Variants in CNBD2 observed in about 807,000 individuals in gnomAD.
CNBD2 encodes cyclic nucleotide-binding domain-containing protein 2.
A neutral mutation model predicts 63.7 loss-of-function variants in CNBD2; 64 were observed. The observed-to-expected ratio is 1.00, with a 90% confidence interval of 0.82 to 1.24. The LOEUF is 1.24. Ranked by LOEUF, CNBD2 falls within the 50% of genes most tolerant of loss-of-function variation. CNBD2 has a pLI of 0.00. For synonymous variants in CNBD2, 229 were observed against 255.4 expected, an observed-to-expected ratio of 0.90 and a Z score of 0.99; for missense variants, 691 against 713.5, an observed-to-expected ratio of 0.97 and a Z score of 0.36.
chr20:35,975,535 C>T (rs984870002), intron 2 of CNBD2, among the ~76,000 whole-genome samples: 3 of 150,730 alleles, frequency 2.0e-5, no homozygotes, highest in South Asian at 2.1e-4. Flanking sequence ...CTCCTGACCT[C>T]GTGATCCGCC....
Position 36,023,681 on chromosome 20 carries a change from T to A in CNBD2, c.1349T>A (p.Ile450Lys), listed in dbSNP as rs1568931644. 6.2e-7 allele frequency: 1 copy of A among 1,613,878 alleles called. No homozygotes were observed. Among genetic ancestry groups the A allele is most frequent in the East Asian group, 2.2e-5 (1 of 44,854 alleles). The change falls in exon 11 of 12, where the codon ATA (isoleucine) becomes AAA (lysine). Residue 450 changes from isoleucine (I) to lysine (K), a missense_variant. Coordinates refer to ENST00000373973, the MANE Select transcript of CNBD2 (RefSeq NM_001365709.1). ...CTGATGAGCCTGGGAAATGAGTTGA[T>A]ACGGATAAGGAAGGAAATATTTTAT... Reference protein sequence around the residue: ...LILMSLGNELIRIRKEIFYEL... With the variant: ...LILMSLGNELKRIRKEIFYEL...
chr20:36,011,110 G>A (rs893145679), intron 9 of CNBD2, 27 bp from the exon 10 acceptor site: 2 of 1,495,184 alleles, frequency 1.3e-6, no homozygotes, highest in Non-Finnish European at 9.0e-7. Flanking sequence ...TTACAGATGA[G>A]CTCTCTAACA....
upstream of CNBD2, chr20:35,968,554 T>C (rs554393451): frequency 1.7e-4 from 84 of 483,698 alleles, 3 homozygotes; most frequent in South Asian, 9.2e-4. Flanking sequence ...GAATCTTTCA[T>C]TGTGACCTTA....
Position 35,972,757 on chromosome 20 carries a change from C to T in CNBD2, c.180C>T (p.Ser60=), listed in dbSNP as rs940663666. Residue 60 remains serine (S), a synonymous_variant, in exon 2 of 12, where the codon TCC becomes TCT. Coordinates refer to ENST00000373973, the MANE Select transcript of CNBD2 (RefSeq NM_001365709.1). ...ETAHWKHPIF[S]FWDKKMQSRV... is the part of the protein sequence containing the mutation. ...CTCACTGGAAGCACCCTATCTTCTC[C>T]TTCTGGGATGTAAGCAGTTGGGCTC... The T allele has an allele frequency of 6.2e-7, 1 of 1,614,168 alleles. No homozygotes were observed. The highest frequency in any genetic ancestry group is 1.7e-5 in the Admixed American group (1 of 60,026).
At chr20:36,002,554 G>T (rs2056929042) in intron 8 of CNBD2, among the ~76,000 whole-genome samples, 1 of 152,196 alleles carries the variant, frequency 6.6e-6, no homozygotes, top group South Asian at 2.1e-4. Context: ...GCTTCCCAAA[G>T]TGCTGGGATT....
intron 2 of CNBD2, among the ~76,000 whole-genome samples, chr20:35,962,503 G>A (rs1249169193): frequency 7.2e-5 from 11 of 151,864 alleles, no homozygotes; most frequent in Admixed American, 1.3e-4. Context: ...CTTGTGATCC[G>A]CCTGTCTTGG....
intron 11 of CNBD2, among the ~76,000 whole-genome samples, chr20:36,026,280 A>G (rs1601111370): frequency 6.6e-6 from 1 of 152,006 alleles, no homozygotes; most frequent in African/African-American, 2.4e-5. Context: ...CAAAGGATCC[A>G]CCCACCTTGG....
chr20:36,015,943 G>C (rs145062763), intron 10 of CNBD2, among the ~76,000 whole-genome samples: 8 of 152,144 alleles, frequency 5.3e-5, no homozygotes, highest in Non-Finnish European at 1.5e-5. Flanking sequence ...TATGGCAAGG[G>C]GGGAATGAAG....
chr20:35,999,667 A>C (rs1019193318), intron 8 of CNBD2, among the ~76,000 whole-genome samples: 1 of 151,280 alleles, frequency 6.6e-6, no homozygotes, highest in Non-Finnish European at 1.5e-5. Context: ...TTTTGCTTTA[A>C]ACAAGTATCT....
chr20:36,013,033 G>A lies in CNBD2; in HGVS notation c.1269+1776G>A, dbSNP rs576311353. Among the ~76,000 whole-genome samples, 21 of 152,058 alleles carry A rather than the reference G, an allele frequency of 1.4e-4. 1 individual carries two copies. In the South Asian group the frequency reaches 4.4e-3, roughly 32 times the overall value. On this transcript the variant is annotated intron_variant, in intron 10 of 11. Transcript: ENST00000373973. ...TAGGGCAGTAAAATTATTCTCTATG[G>A]TACTGTAATGGTGGATACAAAAGCA...
At chr20:36,008,213 C>A in intron 8 of CNBD2, 84 bp from the exon 9 acceptor site, 3 of 1,156,200 alleles carry the variant, frequency 2.6e-6, no homozygotes, top group Non-Finnish European at 3.7e-6. Flanking sequence ...AGGCAGGTTC[C>A]TGTGATAAGC....
At chr20:35,973,025 G>T in intron 2 of CNBD2, 1 of 501,222 alleles carries the variant, frequency 2.0e-6, no homozygotes, top group South Asian at 4.1e-5. Context: ...GACCAAGGCA[G>T]GCTCCACTGC....
At chr20:35,957,702 A>C (rs1181076195), downstream of CNBD2, 1 of 152,224 alleles carries the variant, frequency 6.6e-6, no homozygotes, top group East Asian at 1.9e-4. Flanking sequence ...TTTATATTTC[A>C]TTCTTTTGAA....
chr20:35,997,758 G>A (rs548264432), intron 8 of CNBD2, among the ~76,000 whole-genome samples: 1 of 152,252 alleles, frequency 6.6e-6, no homozygotes, highest in Non-Finnish European at 1.5e-5. Context: ...TAGGAAGGCA[G>A]AGTGAGATGA....
At position 36,030,568 on chromosome 20, in the gene CNBD2, C is replaced by T. The variant is rs768966320; in HGVS notation, c.1651C>T (p.Pro551Ser). ...TKPRYPIFMA[P>S]QKYLPPLRIV... ...ACCTCGTTATCCTATTTTTATGGCA[C>T]CCCAGAAATACCTCCCCCCATTGAG... Residue 551 changes from proline (P) to serine (S), a missense_variant, in exon 12 of 12, where the codon CCC (proline) becomes TCC (serine). Pro to Ser is a moderately conservative substitution (Grantham distance 74, BLOSUM62 -1). Coordinates refer to ENST00000373973, the MANE Select transcript of CNBD2 (RefSeq NM_001365709.1). The T allele has an allele frequency of 6.2e-7, 1 of 1,614,124 alleles. No homozygotes were observed. Among genetic ancestry groups the T allele is most frequent in the Non-Finnish European group, 8.5e-7 (1 of 1,180,030 alleles).
intron 8 of CNBD2, among the ~76,000 whole-genome samples, chr20:36,000,877 AGGCAGAGGACCCTGC>A (rs2056888593): frequency 6.7e-6 from 1 of 150,250 alleles, no homozygotes; most frequent in Non-Finnish European, 1.5e-5. Flanking sequence ...TGGTTTTCCT[AGGCAGAGGACCCTGC>A]GGCCTTCCGC....
Position 36,023,741 on chromosome 20 carries a change from A to G in CNBD2, c.1409A>G (p.Lys470Arg). The G allele has an allele frequency of 1.2e-6, 2 of 1,613,456 alleles. No homozygotes were observed. The highest frequency in any genetic ancestry group is 1.7e-4 in the Middle Eastern group (1 of 6,060). Residue 470 changes from lysine to arginine, a missense_variant, in exon 11 of 12, where the codon AAG becomes AGG. Transcript: ENST00000373973. ...LIDNDDEMIK[K>R]LLKLNIAFPS... Reference sequence around the variant, plus strand: ...GACAATGATGACGAGATGATAAAAAAGTTGTTAAAGCTCAATATTGCATTC... The same window carrying G: ...GACAATGATGACGAGATGATAAAAAGGTTGTTAAAGCTCAATATTGCATTC...
At chr20:36,020,356 C>T (rs2057191485) in intron 10 of CNBD2, among the ~76,000 whole-genome samples, 1 of 152,196 alleles carries the variant, frequency 6.6e-6, no homozygotes, top group South Asian at 2.1e-4. Context: ...GCTGGGATTA[C>T]AGGCATGAGC....
chr20:36,004,149 G>A (rs777969606), intron 8 of CNBD2, among the ~76,000 whole-genome samples: 16 of 152,140 alleles, frequency 1.1e-4, no homozygotes, highest in African/African-American at 3.4e-4. Flanking sequence ...CCTGTTAGAC[G>A]TGAGCCCAAC....
Sources: gnomAD v4.1 joint callset for allele counts (sites outside exome capture counted in the v4.1 genomes callset) on GRCh38, gnomAD v4.1.1 for gene constraint, MANE v1.5 for transcripts, NCBI Gene and HGNC (gene_info 2026-07-23, HGNC 2026-07-21) for gene names.